Variants in AGXT2 observed in about 807,000 individuals in gnomAD.
AGXT2 encodes the protein alanine--glyoxylate aminotransferase 2.
Under a neutral mutation model 62.5 loss-of-function variants are expected in AGXT2, and 61 were observed. That is an observed-to-expected ratio of 0.98 (90% CI 0.79 to 1.21). The LOEUF (loss-of-function observed/expected upper bound fraction) is 1.21. AGXT2 is among the 50% of genes most tolerant of loss of function. The pLI, the probability that AGXT2 is intolerant of heterozygous loss-of-function variation, is 0.00. For missense variants in AGXT2, 666 were observed against 641.5 expected, an observed-to-expected ratio of 1.04 and a Z score of -0.41; for synonymous variants, 243 against 218.7, an observed-to-expected ratio of 1.11 and a Z score of -0.98.
chr5:35,040,834 T>A (rs1174903896), intron 1 of AGXT2, among the ~76,000 whole-genome samples, 171 bp from the exon 2 acceptor site: 1 of 151,800 alleles, frequency 6.6e-6, no homozygotes, highest in African/African-American at 2.4e-5. Flanking sequence ...CAATAATGAG[T>A]TTTCTGGAGG....
At position 35,029,219 on chromosome 5, in the gene AGXT2, G is replaced by A. The variant is rs73084625; in HGVS notation, c.770-2709C>T. The stretch of plus-strand genomic sequence containing the variant: ...ATGCCTCTAGAGACAGAAATTTCCC[G>A]TTTTTATTGGGAAAGGAAGAGAAAA... On this transcript the variant is annotated intron_variant, in intron 7 of 13. Transcript: ENST00000231420. Among the ~76,000 whole-genome samples the A allele has an allele frequency of 2.4e-3, 365 of 152,244 alleles. 1 individual carries two copies. Among genetic ancestry groups the A allele is most frequent in the African/African-American group, 8.1e-3 (336 of 41,532 alleles).
chr5:35,020,822 C>A (rs1767045064), intron 9 of AGXT2, among the ~76,000 whole-genome samples: 1 of 152,054 alleles, frequency 6.6e-6, no homozygotes, highest in Admixed American at 6.6e-5. Flanking sequence ...ATCTAGAAAA[C>A]CCCATTGTCT....
intron 2 of AGXT2, 112 bp downstream of exon 2, chr5:35,040,462 AG>A: frequency 1.1e-6 from 1 of 932,964 alleles, no homozygotes; most frequent in Non-Finnish European, 1.8e-6. Context: ...ATCTGGAATG[AG>A]GTAGTTTAGT....
intron 9 of AGXT2, among the ~76,000 whole-genome samples, chr5:35,019,455 A>AACC (rs1766981205): frequency 6.6e-6 from 1 of 151,448 alleles, no homozygotes; most frequent in Admixed American, 6.6e-5. Flanking sequence ...GAAACTGAAC[A>AACC]ACCTGCTCCT....
At chr5:35,035,652 G>T (rs970274189) in intron 4 of AGXT2, among the ~76,000 whole-genome samples, 2 of 152,162 alleles carry the variant, frequency 1.3e-5, no homozygotes, top group Admixed American at 6.5e-5. Flanking sequence ...AGATCCAAAG[G>T]TTGGGTTTCT....
chr5:35,029,733 G>A (rs1332615284), intron 7 of AGXT2, among the ~76,000 whole-genome samples: 2 of 152,164 alleles, frequency 1.3e-5, no homozygotes, highest in Non-Finnish European at 2.9e-5. Flanking sequence ...TGATCAGTAC[G>A]AGGTTTGGAA....
chr5:35,044,999 C>T (rs1768131121), intron 1 of AGXT2, among the ~76,000 whole-genome samples: 1 of 152,138 alleles, frequency 6.6e-6, no homozygotes, highest in African/African-American at 2.4e-5. Context: ...TGTGGGAGAG[C>T]AGGCATATAT....
intron 7 of AGXT2, among the ~76,000 whole-genome samples, chr5:35,030,917 C>A (rs1008196753): frequency 1.3e-5 from 2 of 152,196 alleles, no homozygotes; most frequent in African/African-American, 4.8e-5. Flanking sequence ...TACAAAAGTT[C>A]TCCGTGCCTC....
At chr5:35,000,803 T>C (rs944636919) in intron 13 of AGXT2, among the ~76,000 whole-genome samples, 4 of 152,242 alleles carry the variant, frequency 2.6e-5, no homozygotes, top group South Asian at 2.1e-4. Context: ...TGATGACCTA[T>C]AAAACATGAT....
In AGXT2 at chr5:35,005,025, A is replaced by C. The variant is rs927997926; in HGVS notation, c.1339-1164T>G. On this transcript the variant is annotated intron_variant, in intron 12 of 13. Coordinates refer to ENST00000231420, the MANE Select transcript of AGXT2 (RefSeq NM_031900.4). ...TTGGATCAGAAAGGACCTGAGGGAGAGGGAAGGACTAGAATCCTCTCATTG... is the reference window on the plus strand; with the variant it reads ...TTGGATCAGAAAGGACCTGAGGGAGCGGGAAGGACTAGAATCCTCTCATTG... 2.6e-5 allele frequency among the ~76,000 whole-genome samples: 4 copies of C among 152,202 alleles called. No homozygotes were observed. In the South Asian group the frequency reaches 8.3e-4, roughly 32 times the overall value.
At chr5:35,022,269 C>T (rs1246301665) in intron 9 of AGXT2, among the ~76,000 whole-genome samples, 1 of 152,074 alleles carries the variant, frequency 6.6e-6, no homozygotes, top group Admixed American at 6.5e-5. Flanking sequence ...AAGACACATG[C>T]ACACGTATGT....
intron 12 of AGXT2, 47 bp from the exon 13 acceptor site, chr5:35,003,908 T>G: frequency 6.3e-7 from 1 of 1,575,376 alleles, no homozygotes; most frequent in Non-Finnish European, 8.7e-7. Flanking sequence ...TTGGAATGGT[T>G]AAAGGAATTA....
chr5:35,039,345 A>G lies in AGXT2; in HGVS notation c.341T>C (p.Val114Ala). The change falls in exon 3 of 14, where the codon GTC becomes GCC. Residue 114 changes from valine (V) to alanine (A), a missense_variant. By Grantham distance (64) the Val-to-Ala change is moderately conservative. Transcript: ENST00000231420. ...YLDFFSGIVT[V>A]SVGHCHPKVN... ...TCACGGGTGGCAATGGCCAACACTG[A>G]CAGTAACAATCCCGGAAAAGAAATC... is the stretch of plus-strand genomic sequence containing the variant. The G allele has an allele frequency of 6.2e-7, 1 of 1,614,134 alleles. No homozygotes were observed.
At chr5:35,013,786 A>G (rs1766735201) in intron 10 of AGXT2, among the ~76,000 whole-genome samples, 1 of 136,324 alleles carries the variant, frequency 7.3e-6, no homozygotes, top group African/African-American at 3.0e-5. Flanking sequence ...CTGTCTCAAA[A>G]AAAAAAAAAA....
chr5:35,018,060 A>G (rs985506099), intron 9 of AGXT2, among the ~76,000 whole-genome samples: 1 of 152,236 alleles, frequency 6.6e-6, no homozygotes, highest in African/African-American at 2.4e-5. Flanking sequence ...CCTCCAAGAA[A>G]TATGGGACTA....
At chr5:35,028,584 AG>A (rs1177737232) in intron 7 of AGXT2, among the ~76,000 whole-genome samples, 5 of 123,642 alleles carry the variant, frequency 4.0e-5, no homozygotes, top group South Asian at 2.6e-4. Flanking sequence ...AGAGAGAGAG[AG>A]AGAGAGAGAG....
chr5:35,034,011 T>A (rs890918731), intron 5 of AGXT2, among the ~76,000 whole-genome samples: 3 of 152,162 alleles, frequency 2.0e-5, no homozygotes, highest in Non-Finnish European at 4.4e-5. Context: ...AACACAGGTT[T>A]TGTTTCTTTT....
At chr5:35,016,483 G>A (rs1766854337) in intron 9 of AGXT2, among the ~76,000 whole-genome samples, 1 of 152,108 alleles carries the variant, frequency 6.6e-6, no homozygotes, top group South Asian at 2.1e-4. Context: ...TAACAGTATT[G>A]TAACCTGACC....
intron 4 of AGXT2, 23 bp downstream of exon 4, chr5:35,036,919 C>T (rs1767790819): frequency 6.2e-7 from 1 of 1,613,696 alleles, no homozygotes; most frequent in Admixed American, 1.7e-5. Context: ...TAACATTCAC[C>T]TCCTGCAGGA....
Sources: gnomAD v4.1 joint callset for allele counts (sites outside exome capture counted in the v4.1 genomes callset) on GRCh38, gnomAD v4.1.1 for gene constraint, MANE v1.5 for transcripts, NCBI Gene and HGNC (gene_info 2026-07-23, HGNC 2026-07-21) for gene names.